The following MMP20 variants were observed in gnomAD, a reference collection of about 807,000 sequenced individuals.
The protein encoded by MMP20 is matrix metalloproteinase-20.
A neutral mutation model predicts 51.8 loss-of-function variants in MMP20; 50 were observed. That is an observed-to-expected ratio of 0.97 (90% CI 0.77 to 1.22). The LOEUF (loss-of-function observed/expected upper bound fraction) is 1.22, where lower values mean the gene tolerates loss of function less well. MMP20 is among the 50% of genes most tolerant of loss of function. The pLI is 0.00. For missense variants in MMP20, 663 were observed against 601.4 expected (o/e 1.10, Z -1.07); for synonymous variants, 244 against 216.2 (o/e 1.13, Z -1.13).
intron 5 of MMP20, 26 bp from the exon 6 acceptor site, chr11:102,606,702 A>G (rs752458039): frequency 6.2e-7 from 1 of 1,613,672 alleles, no homozygotes; most frequent in South Asian, 1.1e-5. Context: ...AGTTGGTCAA[A>G]ATGGTAACGG....
At chr11:102,623,047 G>A (rs1282852807) in intron 1 of MMP20, among the ~76,000 whole-genome samples, 1 of 152,184 alleles carries the variant, frequency 6.6e-6, no homozygotes, top group African/African-American at 2.4e-5. Flanking sequence ...AGGAGATGTG[G>A]ACAAGTTTCC....
intron 1 of MMP20, among the ~76,000 whole-genome samples, chr11:102,621,787 A>C (rs1200134728): frequency 6.6e-6 from 1 of 152,198 alleles, no homozygotes; most frequent in Non-Finnish European, 1.5e-5. Context: ...AAATTTTCTT[A>C]TGACATAATA....
At chr11:102,619,254 A>G (rs955618601) in intron 1 of MMP20, among the ~76,000 whole-genome samples, 16 of 152,164 alleles carry the variant, frequency 1.1e-4, no homozygotes, top group Non-Finnish European at 1.8e-4. Context: ...AGCTCCATGT[A>G]TAAGACCAGG....
At chr11:102,584,505 T>C (rs1194196352) in intron 8 of MMP20, among the ~76,000 whole-genome samples, 1 of 152,198 alleles carries the variant, frequency 6.6e-6, no homozygotes, top group Non-Finnish European at 1.5e-5. Context: ...GAATAGTCGT[T>C]TATATATTCT....
intron 5 of MMP20, 28 bp from the exon 6 acceptor site, chr11:102,606,704 T>A: frequency 1.2e-6 from 2 of 1,613,588 alleles, no homozygotes; most frequent in South Asian, 2.2e-5. Context: ...TTGGTCAAAA[T>A]GGTAACGGGA....
chr11:102,577,409 A>AAGCCT lies in MMP20; in HGVS notation c.1368_1369insAGGCT (p.Ser457ArgfsTer21). The stretch of plus-strand genomic sequence containing the variant: ...TCATACTTGTATGTTTTTGGTCCTG[A>AAGCCT]AAAGAAGTAAATGTAGCCTAAAAGA... On this transcript the variant is annotated frameshift_variant, in exon 10 of 10. Coordinates refer to ENST00000260228, the MANE Select transcript of MMP20 (RefSeq NM_004771.4). LOFTEE classifies it high-confidence loss of function. The AAGCCT allele has an allele frequency of 6.2e-7, 1 of 1,613,460 alleles. No individual in the cohort carries two copies. The highest frequency in any genetic ancestry group is 1.1e-5 in the South Asian group (1 of 91,064).
At chr11:102,590,096 G>A (rs1220317349) in intron 8 of MMP20, among the ~76,000 whole-genome samples, 4 of 152,156 alleles carry the variant, frequency 2.6e-5, no homozygotes, top group Admixed American at 6.6e-5. Flanking sequence ...TGACTATCTT[G>A]AAGAATTATG....
At chr11:102,623,746 T>C (rs1591627454) in intron 1 of MMP20, among the ~76,000 whole-genome samples, 1 of 152,198 alleles carries the variant, frequency 6.6e-6, no homozygotes, top group African/African-American at 2.4e-5. Context: ...TTTCCTGAAC[T>C]GTGGATTAGA....
intron 6 of MMP20, among the ~76,000 whole-genome samples, chr11:102,602,146 T>G: frequency 7.6e-6 from 1 of 131,044 alleles, no homozygotes; most frequent in Non-Finnish European, 1.6e-5. Context: ...TTTTTTGTAT[T>G]TTTAGTAGAG....
In MMP20 at chr11:102,625,192, A is replaced by T; in HGVS notation, c.126+2T>A. 1.9e-6 allele frequency: 3 copies of T among 1,613,680 alleles called. No homozygotes were observed. Among genetic ancestry groups the T allele is most frequent in the Non-Finnish European group, 2.5e-6 (3 of 1,179,838 alleles). ...GAAGGAATTGGGCAAAAATTCACAA[A>T]CCTGTGCGAGGCGGTAGTTGTTCCT... On this transcript the variant is annotated splice_donor_variant, in intron 1 of 9. Transcript: ENST00000260228. LOFTEE classifies it high-confidence loss of function.
intron 1 of MMP20, among the ~76,000 whole-genome samples, chr11:102,623,404 G>A (rs1431016138): frequency 6.6e-6 from 1 of 152,176 alleles, no homozygotes; most frequent in Non-Finnish European, 1.5e-5. Context: ...ATTCGCATAG[G>A]AGCAGAACCC....
chr11:102,606,818 T>G, intron 5 of MMP20, 142 bp from the exon 6 acceptor site: 2 of 962,900 alleles, frequency 2.1e-6, no homozygotes, highest in Non-Finnish European at 3.3e-6. Context: ...GGTATGGGTT[T>G]GAGTCCCGGC....
At chr11:102,578,690 C>T (rs953832412) in intron 9 of MMP20, among the ~76,000 whole-genome samples, 22 of 152,172 alleles carry the variant, frequency 1.4e-4, no homozygotes, top group Middle Eastern at 3.4e-3. Flanking sequence ...GAGCAGAGAT[C>T]GCGCCACTGC....
intron 3 of MMP20, 92 bp from the exon 4 acceptor site, chr11:102,610,122 G>A (rs781321817): frequency 1.7e-4 from 227 of 1,366,124 alleles, no homozygotes; most frequent in Admixed American, 4.3e-4. Flanking sequence ...ATTTTGAGTA[G>A]CATTGACACT....
chr11:102,594,425 C>T (rs1415944600), intron 7 of MMP20, among the ~76,000 whole-genome samples, 196 bp downstream of exon 7: 1 of 152,208 alleles, frequency 6.6e-6, no homozygotes, highest in African/African-American at 2.4e-5. Flanking sequence ...GTTCTCAGGG[C>T]CACTGCCATC....
chr11:102,601,339 A>G (rs1859444109), intron 6 of MMP20, among the ~76,000 whole-genome samples: 1 of 42,254 alleles, frequency 2.4e-5, no homozygotes, highest in Non-Finnish European at 6.4e-5. Context: ...TCACCGTTTT[A>G]GCCGGGATGG....
intron 6 of MMP20, among the ~76,000 whole-genome samples, chr11:102,605,587 C>G (rs1406122025): frequency 1.3e-5 from 2 of 151,996 alleles, no homozygotes; most frequent in South Asian, 2.1e-4. Context: ...ATGGGCCTAA[C>G]TTTTAGAGCT....
chr11:102,597,019 C>T (rs1225755727), intron 6 of MMP20, among the ~76,000 whole-genome samples: 1 of 152,166 alleles, frequency 6.6e-6, no homozygotes, highest in Non-Finnish European at 1.5e-5. Context: ...GAAATGTTTT[C>T]TCTTATAAGT....
At chr11:102,611,635 G>T in intron 3 of MMP20, 120 bp downstream of exon 3, 2 of 1,244,218 alleles carry the variant, frequency 1.6e-6, no homozygotes, top group Non-Finnish European at 2.3e-6. Flanking sequence ...TCTTGGCCTT[G>T]GCCCATCACA....
Sources: gnomAD v4.1 joint callset for allele counts (sites outside exome capture counted in the v4.1 genomes callset) on GRCh38, gnomAD v4.1.1 for gene constraint, MANE v1.5 for transcripts, NCBI Gene and HGNC (gene_info 2026-07-23, HGNC 2026-07-21) for gene names.